Variants in CENPL observed in about 807,000 individuals in gnomAD.
CENPL encodes interphase centromere complex protein 33.
A neutral mutation model predicts 35.2 loss-of-function variants in CENPL; 20 were observed. The observed-to-expected ratio is 0.57, with a 90% CI of 0.40 to 0.83. The LOEUF (loss-of-function observed/expected upper bound fraction) is 0.83, where lower values mean the gene tolerates loss of function less well. Among genes scored for constraint, CENPL ranks in the 40% least tolerant of loss-of-function variants. CENPL has a pLI of 0.00. For missense variants in CENPL, 363 were observed against 395.8 expected (o/e 0.92, Z 0.70); for synonymous variants, 140 against 140.6 (o/e 1.00, Z 0.03).
At chr1:173,809,399 G>A (rs1474443517) in intron 3 of CENPL, among the ~76,000 whole-genome samples, 1 of 152,032 alleles carries the variant, frequency 6.6e-6, no homozygotes, top group East Asian at 1.9e-4. Context: ...GACCAGCCTG[G>A]ACAACAGGGT....
intron 4 of CENPL, among the ~76,000 whole-genome samples, chr1:173,803,710 C>T (rs760248413): frequency 9.4e-4 from 142 of 150,712 alleles, no homozygotes; most frequent in Middle Eastern, 6.9e-3. Context: ...CTCACTCTGT[C>T]GCCCAGGCTG....
intron 4 of CENPL, among the ~76,000 whole-genome samples, chr1:173,806,215 A>C (rs1425032364): frequency 6.6e-6 from 1 of 152,260 alleles, no homozygotes; most frequent in Non-Finnish European, 1.5e-5. Flanking sequence ...CAACTGCTTG[A>C]GAACTTAATT....
In CENPL at chr1:173,802,504, C is replaced by T. The variant is rs539084578; in HGVS notation, c.963+459G>A. ...TACAGGCGTGAGCCACCATGCCTGG[C>T]CTATTTCTGATACTTCTTATCAGAA... On this transcript the variant is annotated intron_variant, in intron 5 of 5. Coordinates refer to ENST00000682279, the MANE Select transcript of CENPL (RefSeq NM_001387287.1). Among the ~76,000 whole-genome samples the T allele has an allele frequency of 3.3e-5, 5 of 152,264 alleles. No individual in the cohort carries two copies. The East Asian group carries it at 7.7e-4, about 24-fold the overall frequency.
chr1:173,811,068 T>G, intron 3 of CENPL, 64 bp downstream of exon 3: 1 of 1,463,110 alleles, frequency 6.8e-7, no homozygotes, highest in African/African-American at 1.4e-5. Flanking sequence ...TTACAAAAAT[T>G]GAAATGTTTT....
chr1:173,810,481 C>A (rs1419010064), intron 3 of CENPL, among the ~76,000 whole-genome samples: 1 of 151,838 alleles, frequency 6.6e-6, no homozygotes, highest in African/African-American at 2.4e-5. Flanking sequence ...ACCTAGAAAA[C>A]AAACCTGCAC....
At chr1:173,803,570 C>T in intron 4 of CENPL, 65 bp from the exon 5 acceptor site, 1 of 1,396,772 alleles carries the variant, frequency 7.2e-7, no homozygotes, top group Non-Finnish European at 9.6e-7. Context: ...TCCATCTTCT[C>T]AAAATTAGTT....
chr1:173,814,889 A>C (rs1011710013), intron 2 of CENPL, among the ~76,000 whole-genome samples: 1 of 152,196 alleles, frequency 6.6e-6, no homozygotes, highest in East Asian at 1.9e-4. Context: ...AAATCAATGA[A>C]TCCAGGAGCT....
intron 2 of CENPL, chr1:173,821,804 CTTTTTTTTTT>C (rs57573875): frequency 2.2e-5 from 2 of 90,998 alleles, no homozygotes; most frequent in East Asian, 3.1e-4. Flanking sequence ...GTACTTCAGC[CTTTTTTTTTT>C]TTTTTTTTTT....
Position 173,807,434 on chromosome 1 carries a change from A to G in CENPL, c.253T>C (p.Tyr85His). Residue 85 changes from tyrosine (Y) to histidine (H), a missense_variant, in exon 4 of 6, where the codon TAT becomes CAT. Transcript: ENST00000682279. ...CTAGAATACTCTTTGAGATTACTAT[A>G]GGAGAATTTATATAAGGGAGTTAAA... ...YSLTPLYKFS[Y>H]SNLKEYSRLL... is the part of the protein sequence containing the mutation. 1.2e-6 allele frequency: 2 copies of G among 1,611,056 alleles called. No homozygotes were observed. Among genetic ancestry groups the G allele is most frequent in the Non-Finnish European group, 1.7e-6 (2 of 1,177,806 alleles).
intron 2 of CENPL, among the ~76,000 whole-genome samples, chr1:173,817,517 G>C (rs1321037825): frequency 6.6e-6 from 1 of 152,234 alleles, no homozygotes; most frequent in Non-Finnish European, 1.5e-5. Context: ...AGATGCTGGA[G>C]AGGATGTGGA....
intron 5 of CENPL, among the ~76,000 whole-genome samples, chr1:173,802,349 G>A (rs1409319073): frequency 6.6e-6 from 1 of 152,052 alleles, no homozygotes; most frequent in East Asian, 1.9e-4. Context: ...TGGGACTACA[G>A]ATGCCCACCA....
At position 173,824,853 on chromosome 1, in the gene CENPL, G is replaced by A. The variant is rs1167488540; in HGVS notation, c.-743C>T. On this transcript the variant is annotated 5_prime_UTR_variant, in exon 1 of 6. Transcript: ENST00000682279. ...CCGCGGGAGCCTCTCGAGAAGCGTG[G>A]AAAGAGGAGAAGGGCGTATACCTTG... The A allele has an allele frequency of 1.3e-5, 3 of 225,894 alleles. No homozygotes were observed. The highest frequency in any genetic ancestry group is 2.3e-5 in the African/African-American group (1 of 43,654). 14.0% of individuals were successfully genotyped at this position (225,894 alleles called of 1,614,324 possible). A position where few individuals can be genotyped will look rare whatever the true frequency, so the allele number is the denominator to read the frequency against.
chr1:173,818,333 CT>C (rs1651617152), intron 2 of CENPL, among the ~76,000 whole-genome samples: 1 of 152,188 alleles, frequency 6.6e-6, no homozygotes, highest in Admixed American at 6.5e-5. Context: ...ATCCTAAACT[CT>C]TCTGCTGGGT....
In CENPL at chr1:173,800,382, A is replaced by G. The variant is rs1649633558; in HGVS notation, c.*66T>C. 5 of 675,704 alleles carry G rather than the reference A, an allele frequency of 7.4e-6. No individual in the cohort carries two copies. Among genetic ancestry groups the G allele is most frequent in the African/African-American group, 3.6e-5 (2 of 55,082 alleles). 41.9% of individuals were successfully genotyped at this position (675,704 alleles called of 1,614,324 possible). On this transcript the variant is annotated 3_prime_UTR_variant, in exon 6 of 6. Transcript: ENST00000682279. The stretch of plus-strand genomic sequence containing the variant: ...GCCTATTTCTCCTGCAGTCTCTTTC[A>G]GCATAGCAATTAGGCAAGTTATCAA...
chr1:173,815,486 C>T (rs567831793), intron 2 of CENPL, among the ~76,000 whole-genome samples: 83 of 152,272 alleles, frequency 5.5e-4, no homozygotes, highest in Non-Finnish European at 1.0e-3. Context: ...AGCTTATCCA[C>T]CATGACCAAG....
At chr1:173,816,630 T>C in intron 2 of CENPL, among the ~76,000 whole-genome samples, 1 of 152,206 alleles carries the variant, frequency 6.6e-6, no homozygotes, top group Non-Finnish European at 1.5e-5. Flanking sequence ...TGGCTAGCCT[T>C]ATGTAGAAAG....
chr1:173,818,744 C>T (rs1651656299), intron 2 of CENPL, among the ~76,000 whole-genome samples: 1 of 152,134 alleles, frequency 6.6e-6, no homozygotes, highest in African/African-American at 2.4e-5. Flanking sequence ...CAGTCTGTAC[C>T]ACTCATTTTA....
chr1:173,800,597 T>C (rs962843587), intron 5 of CENPL, 78 bp from the exon 6 acceptor site: 14 of 626,626 alleles, frequency 2.2e-5, no homozygotes, highest in African/African-American at 2.0e-4. Context: ...ATTTGAATAA[T>C]CAATGTTATA....
intron 3 of CENPL, among the ~76,000 whole-genome samples, chr1:173,809,543 G>A (rs987269181): frequency 1.7e-4 from 25 of 150,594 alleles, no homozygotes; most frequent in Admixed American, 1.2e-3. Flanking sequence ...AGTTAGCCAA[G>A]ATCATGCCAC....
Sources: gnomAD v4.1 joint callset for allele counts (sites outside exome capture counted in the v4.1 genomes callset) on GRCh38, gnomAD v4.1.1 for gene constraint, MANE v1.5 for transcripts, NCBI Gene and HGNC (gene_info 2026-07-23, HGNC 2026-07-21) for gene names.